PRELID2: variants seen among roughly 807,000 people sequenced by gnomAD.
PRELID2 encodes PRELI domain-containing protein 2.
A neutral mutation model predicts 28.4 loss-of-function variants in PRELID2; 25 were observed. The ratio of observed to expected loss-of-function variants is 0.88; its 90% confidence interval spans 0.64 to 1.23. The LOEUF (loss-of-function observed/expected upper bound fraction) is 1.23, where lower values mean the gene tolerates loss of function less well. Among genes scored for constraint, PRELID2 ranks in the 50% most tolerant of loss-of-function variants. PRELID2 has a pLI of 0.00. For synonymous variants in PRELID2, 76 were observed against 71.6 expected (o/e 1.06, Z -0.31); for missense variants, 201 against 214.4 (o/e 0.94, Z 0.39).
At chr5:145,258,853 T>A in the PRELID2 span, among the ~76,000 whole-genome samples, 1 of 152,080 alleles carries the variant, frequency 6.6e-6, no homozygotes. Context: ...TTGAAGACAT[T>A]TCAGAGACCT....
At chr5:145,252,437 G>C in the PRELID2 span, among the ~76,000 whole-genome samples, 3 of 152,010 alleles carry the variant, frequency 2.0e-5, no homozygotes, top group Non-Finnish European at 4.4e-5. Context: ...TAATTTCTCT[G>C]TGGTTTGATT....
the PRELID2 span, chr5:145,229,257 T>C: frequency 1.3e-6 from 1 of 762,270 alleles, no homozygotes. Context: ...CCCTGGAGGA[T>C]GCCCGAGTTC....
At chr5:145,258,519 T>G in the PRELID2 span, among the ~76,000 whole-genome samples, 2 of 152,142 alleles carry the variant, frequency 1.3e-5, no homozygotes, top group African/African-American at 4.8e-5. Context: ...TTGGCTGCAT[T>G]GTGCCTCTGC....
chr5:145,640,355 A>G (rs1196920718), intron 1 of PRELID2, among the ~76,000 whole-genome samples: 1 of 150,376 alleles, frequency 6.6e-6, no homozygotes, highest in South Asian at 2.1e-4. Flanking sequence ...GGGCGCCTGT[A>G]GTCCCAGCTA....
intron 1 of PRELID2, among the ~76,000 whole-genome samples, chr5:145,483,177 C>T (rs1752178439): frequency 6.6e-6 from 1 of 152,158 alleles, no homozygotes; most frequent in Non-Finnish European, 1.5e-5. Context: ...TACGATGTGA[C>T]TTTGCAGCAA....
At chr5:145,805,751 T>C (rs1753454875) in intron 4 of PRELID2, among the ~76,000 whole-genome samples, 1 of 152,218 alleles carries the variant, frequency 6.6e-6, no homozygotes, top group African/African-American at 2.4e-5. Flanking sequence ...TGCATAAACC[T>C]AGATGGTATA....
chr5:145,335,577 C>T, the PRELID2 span, among the ~76,000 whole-genome samples: 1 of 151,964 alleles, frequency 6.6e-6, no homozygotes, highest in South Asian at 2.1e-4. Flanking sequence ...GAAAATTCAA[C>T]AACACATTCT....
In PRELID2 at chr5:145,502,526, G is replaced by A. The variant is rs78530991; in HGVS notation, n.71-29211C>T. On this transcript the variant is annotated intron_variant and non_coding_transcript_variant, in intron 1 of 2. Coordinates refer to the PRELID2 transcript ENST00000510259. The stretch of plus-strand genomic sequence containing the variant: ...GGAGGAGGTGTTATAATGATGGCCA[G>A]GTTAATAAATTTTGTCTGCCACATT... Among the ~76,000 whole-genome samples, 61 of 152,168 alleles carry A rather than the reference G, an allele frequency of 4.0e-4. No individual in the cohort carries two copies. In the East Asian group the frequency reaches 0.011, roughly 28 times the overall value.
chr5:145,801,856 C>T (rs148317929), intron 4 of PRELID2, among the ~76,000 whole-genome samples: 257 of 152,308 alleles, frequency 1.7e-3, no homozygotes, highest in Middle Eastern at 6.8e-3. Context: ...GTGCTTATTT[C>T]GCTTGTAATG....
chr5:145,530,633 G>C (rs1321775904), intron 1 of PRELID2, among the ~76,000 whole-genome samples: 1 of 152,048 alleles, frequency 6.6e-6, no homozygotes, highest in East Asian at 1.9e-4. Context: ...GCAGGAACCG[G>C]TTGGCAATGG....
At chr5:145,310,857 C>T in the PRELID2 span, among the ~76,000 whole-genome samples, 2 of 148,298 alleles carry the variant, frequency 1.3e-5, no homozygotes, top group Non-Finnish European at 3.0e-5. Flanking sequence ...TTTCATCTCC[C>T]TTTTTTTTTT....
chr5:145,692,855 T>C (rs1242028851), intron 1 of PRELID2, among the ~76,000 whole-genome samples: 1 of 152,230 alleles, frequency 6.6e-6, no homozygotes, highest in Non-Finnish European at 1.5e-5. Flanking sequence ...TGAATTTTTA[T>C]CCTGAATTTT....
At chr5:145,696,508 C>G (rs760741064) in intron 1 of PRELID2, among the ~76,000 whole-genome samples, 1 of 152,076 alleles carries the variant, frequency 6.6e-6, no homozygotes, top group Non-Finnish European at 1.5e-5. Context: ...ACTCTGTCAC[C>G]GAGGCTGTAG....
At chr5:145,283,499 T>C in the PRELID2 span, among the ~76,000 whole-genome samples, 6 of 152,316 alleles carry the variant, frequency 3.9e-5, no homozygotes, top group African/African-American at 1.4e-4. Flanking sequence ...TTTTAAGTTA[T>C]GCTTTTTTTC....
chr5:145,266,334 TA>T, the PRELID2 span, among the ~76,000 whole-genome samples: 1 of 132,868 alleles, frequency 7.5e-6, no homozygotes, highest in Non-Finnish European at 1.6e-5. Flanking sequence ...TGGAAAAGAT[TA>T]AAAATAAAGA....
At chr5:145,712,128 A>G (rs1755711823) in intron 1 of PRELID2, among the ~76,000 whole-genome samples, 1 of 152,250 alleles carries the variant, frequency 6.6e-6, no homozygotes, top group South Asian at 2.1e-4. Context: ...TGCTGGAGCC[A>G]TCAAGGTACT....
the PRELID2 span, among the ~76,000 whole-genome samples, chr5:145,337,701 A>ATATG: frequency 1.3e-4 from 4 of 30,798 alleles, no homozygotes; most frequent in Non-Finnish European, 2.2e-4. Flanking sequence ...ATATATATAT[A>ATATG]TATATATATA....
chr5:145,606,137 A>C (rs1328777542), intron 1 of PRELID2, among the ~76,000 whole-genome samples: 1 of 152,112 alleles, frequency 6.6e-6, no homozygotes, highest in African/African-American at 2.4e-5. Flanking sequence ...AATTTTGCTG[A>C]AGTTATTTGT....
At chr5:145,353,593 A>C in the PRELID2 span, among the ~76,000 whole-genome samples, 1 of 152,156 alleles carries the variant, frequency 6.6e-6, no homozygotes, top group African/African-American at 2.4e-5. Flanking sequence ...GTGGAAGGGG[A>C]AGCAAACACT....
Sources: gnomAD v4.1 joint callset for allele counts (sites outside exome capture counted in the v4.1 genomes callset) on GRCh38, gnomAD v4.1.1 for gene constraint, MANE v1.5 for transcripts, NCBI Gene and HGNC (gene_info 2026-07-23, HGNC 2026-07-21) for gene names.